SYTL2: variants seen among roughly 807,000 people sequenced by gnomAD.
SYTL2 encodes the protein synaptotagmin-like protein 2.
SYTL2 carries 165 observed loss-of-function variants against 198.7 expected under a neutral mutation model. The ratio of observed to expected loss-of-function variants is 0.83; its 90% CI spans 0.73 to 0.94. The LOEUF (loss-of-function observed/expected upper bound fraction) is 0.94, where lower values mean the gene tolerates loss of function less well. Ranked by LOEUF, SYTL2 falls within the 40% of genes least tolerant of loss-of-function variation. The probability of loss-of-function intolerance (pLI) is 0.00; values close to 1 mark genes in which losing one functional copy is unlikely to be tolerated. For synonymous variants in SYTL2, 966 were observed against 917.7 expected (o/e 1.05, Z -0.95); for missense variants, 2,835 against 2,582.8 (o/e 1.10, Z -2.12).
chr11:85,739,186 T>C (rs2090590554), intron 4 of SYTL2, among the ~76,000 whole-genome samples: 1 of 150,478 alleles, frequency 6.6e-6, no homozygotes, highest in Non-Finnish European at 1.5e-5. Context: ...GGTGAATGGC[T>C]AAATAAACGA....
the SYTL2 span, among the ~76,000 whole-genome samples, chr11:85,845,367 G>A: frequency 6.6e-6 from 1 of 152,164 alleles, no homozygotes; most frequent in Admixed American, 6.5e-5. Flanking sequence ...ACAGAAACTG[G>A]GAGATAATAA....
chr11:85,817,897 C>CTTTTTTTTTTTTTTTTT, the SYTL2 span, among the ~76,000 whole-genome samples: 5 of 119,872 alleles, frequency 4.2e-5, 1 homozygote, highest in Admixed American at 8.5e-5. Context: ...ACCTTTGTGT[C>CTTTTTTTTTTTTTTTTT]TTTTCTTTTT....
rs1267024205 is a variant in SYTL2 at position 85,726,054 on chromosome 11, C to G, written c.3304G>C (p.Val1102Leu). The change falls in exon 8 of 20, where the codon GTG (valine) becomes CTG (leucine). Residue 1102 changes from valine (V) to leucine (L), a missense_variant. Val to Leu is a conservative substitution (Grantham distance 32). Coordinates refer to ENST00000359152, the MANE Select transcript of SYTL2 (RefSeq NM_206927.4). ...GAGTAATCCTTTTCTTCCTTAAACA[C>G]TGGAGTAACAATCCCTTCCGTATTC... Reference protein sequence around the residue: ...EKNTEGIVTPVFKEEKDYSEQ... With the variant: ...EKNTEGIVTPLFKEEKDYSEQ... The G allele has an allele frequency of 6.2e-7, 1 of 1,612,892 alleles. No individual in the cohort carries two copies. Among genetic ancestry groups the G allele is most frequent in the African/African-American group, 1.3e-5 (1 of 74,866 alleles).
intron 7 of SYTL2, among the ~76,000 whole-genome samples, chr11:85,731,941 A>G (rs1263306710): frequency 6.6e-6 from 1 of 152,256 alleles, no homozygotes; most frequent in Non-Finnish European, 1.5e-5. Context: ...GAAGGATATG[A>G]ACAGACACTT....
At chr11:85,707,880 T>G (rs1361514860) in intron 14 of SYTL2, among the ~76,000 whole-genome samples, 5 of 135,946 alleles carry the variant, frequency 3.7e-5, no homozygotes, top group Non-Finnish European at 4.5e-5. Flanking sequence ...GAGGCCAAGG[T>G]GAGCAGATCA....
chr11:85,842,447 C>G, the SYTL2 span, among the ~76,000 whole-genome samples: 2 of 152,228 alleles, frequency 1.3e-5, no homozygotes, highest in Non-Finnish European at 2.9e-5. Context: ...AGCGTATTTT[C>G]TCCTGTCTCC....
At chr11:85,804,977 G>A (rs1175991225) in intron 1 of SYTL2, among the ~76,000 whole-genome samples, 1 of 152,162 alleles carries the variant, frequency 6.6e-6, no homozygotes, top group Admixed American at 6.5e-5. Flanking sequence ...ACCCAGCACA[G>A]CATCTCAATC....
At chr11:85,735,964 T>C (rs1016643706) in intron 6 of SYTL2, among the ~76,000 whole-genome samples, 3 of 152,256 alleles carry the variant, frequency 2.0e-5, no homozygotes, top group African/African-American at 4.8e-5. Context: ...AAGTTGCTTT[T>C]GAAGAGATTG....
rs765911290 is a variant in SYTL2, at chr11:85,724,557, GCTCTGACTGTGAGGA to G, written c.4786_4800del (p.Ser1596_Glu1600del). 3.7e-6 allele frequency: 6 copies of G among 1,613,920 alleles called. No individual in the cohort carries two copies. The highest frequency in any genetic ancestry group is 2.2e-5 in the South Asian group (2 of 91,058). ...GGCACTGTCCCCAAGAACCTGGTCT[GCTCTGACTGTGAGGA>G]CTCCTTCTCGTGAGTTTCTTCTCTC... On this transcript the variant is annotated inframe_deletion, in exon 8 of 20. Coordinates refer to ENST00000359152, the MANE Select transcript of SYTL2 (RefSeq NM_206927.4).
At chr11:85,792,717 T>C (rs1039897265) in intron 1 of SYTL2, among the ~76,000 whole-genome samples, 22 of 151,876 alleles carry the variant, frequency 1.4e-4, no homozygotes, top group African/African-American at 4.1e-4. Context: ...CATGCTGGTG[T>C]GCTGCACCCA....
chr11:85,740,272 C>CT (rs1373927376), intron 4 of SYTL2, among the ~76,000 whole-genome samples: 7 of 152,186 alleles, frequency 4.6e-5, no homozygotes, highest in Non-Finnish European at 8.8e-5. Context: ...TCACCTGACT[C>CT]TGCTATTTCC....
intron 4 of SYTL2, 79 bp downstream of exon 4, chr11:85,745,558 T>G: frequency 6.6e-7 from 1 of 1,511,788 alleles, no homozygotes; most frequent in Non-Finnish European, 9.0e-7. Context: ...TCTGTACTCA[T>G]AGCCTGCCAT....
intron 16 of SYTL2, among the ~76,000 whole-genome samples, chr11:85,702,657 T>A (rs1035109826): frequency 6.6e-6 from 1 of 152,220 alleles, no homozygotes; most frequent in African/African-American, 2.4e-5. Flanking sequence ...AAAGTCAGTT[T>A]ATTCCCAGAT....
the SYTL2 span, among the ~76,000 whole-genome samples, chr11:85,833,220 A>G: frequency 6.7e-6 from 1 of 150,018 alleles, no homozygotes; most frequent in Non-Finnish European, 1.5e-5. Context: ...CAATCCTTTA[A>G]AAAAATTATA....
At chr11:85,732,508 C>T (rs771739495) in intron 7 of SYTL2, among the ~76,000 whole-genome samples, 30 of 151,994 alleles carry the variant, frequency 2.0e-4, no homozygotes, top group Non-Finnish European at 4.1e-4. Context: ...AACCAACCAC[C>T]GCATGTTCTC....
intron 3 of SYTL2, among the ~76,000 whole-genome samples, chr11:85,747,951 C>A (rs1422438145): frequency 6.6e-6 from 1 of 152,130 alleles, no homozygotes; most frequent in Non-Finnish European, 1.5e-5. Context: ...CTTCATTTTA[C>A]TCAGAAGATT....
At chr11:85,706,405 C>T (rs908366749) in intron 15 of SYTL2, among the ~76,000 whole-genome samples, 2 of 152,206 alleles carry the variant, frequency 1.3e-5, no homozygotes, top group African/African-American at 4.8e-5. Flanking sequence ...AATAAAACCA[C>T]TAGTTAAACT....
chr11:85,738,456 G>A (rs1219010178), intron 4 of SYTL2, among the ~76,000 whole-genome samples: 3 of 152,066 alleles, frequency 2.0e-5, no homozygotes, highest in African/African-American at 2.4e-5. Flanking sequence ...GGAGGGAAAG[G>A]GGAGGGAACA....
intron 1 of SYTL2, among the ~76,000 whole-genome samples, chr11:85,761,462 C>A (rs142124816): frequency 1.3e-5 from 2 of 152,268 alleles, no homozygotes; most frequent in South Asian, 4.1e-4. Context: ...CCCAGGAGAG[C>A]AGGAGGAGAG....
Sources: allele counts gnomAD v4.1 joint callset (sites outside exome capture counted in the v4.1 genomes callset), GRCh38; gene constraint gnomAD v4.1.1; transcripts MANE v1.5; gene names NCBI Gene and HGNC (gene_info 2026-07-23, HGNC 2026-07-21).